Variants in NELL1 observed in about 807,000 individuals in gnomAD.
NELL1 encodes protein kinase C-binding protein NELL1.
In NELL1, 76 loss-of-function variants were observed where a neutral mutation model predicts 107.4. That is an observed-to-expected ratio of 0.71 (90% CI 0.59 to 0.86). NELL1 has a LOEUF of 0.86. Ranked by LOEUF, NELL1 falls within the 40% of genes least tolerant of loss-of-function variation. The pLI is 0.00. For missense variants in NELL1, 1,024 were observed against 1,005.5 expected, an observed-to-expected ratio of 1.02 and a Z score of -0.25; for synonymous variants, 353 against 341.2, an observed-to-expected ratio of 1.03 and a Z score of -0.38.
At chr11:21,038,598 A>G (rs1314017439) in intron 12 of NELL1, among the ~76,000 whole-genome samples, 4 of 152,210 alleles carry the variant, frequency 2.6e-5, no homozygotes, top group African/African-American at 7.2e-5. Context: ...CGCCACTGCC[A>G]ATAGAAATCT....
chr11:21,451,067 G>A (rs1008959301), intron 15 of NELL1, among the ~76,000 whole-genome samples: 7 of 151,418 alleles, frequency 4.6e-5, no homozygotes, highest in African/African-American at 1.7e-4. Flanking sequence ...GGCGCCTGTA[G>A]TCCCAGCTAC....
rs528318734 is a variant in NELL1, at chr11:20,751,203, T to A, written c.185-32477T>A. Among the ~76,000 whole-genome samples, 139 of 152,218 alleles carry A rather than the reference T, an allele frequency of 9.1e-4. 1 individual carries two copies. Among genetic ancestry groups the A allele is most frequent in the African/African-American group, 3.3e-3 (137 of 41,546 alleles). On this transcript the variant is annotated intron_variant, in intron 2 of 19. Transcript: ENST00000357134. ...TTTTTTTTTATGACTGCTTTTCTCT[T>A]CTAGGTTCTTTTCATTTTAATTTAC...
chr11:21,300,579 G>T (rs1849471459), intron 14 of NELL1, among the ~76,000 whole-genome samples: 1 of 151,878 alleles, frequency 6.6e-6, no homozygotes. Context: ...GCTATAGTGG[G>T]CTCTAGCAGT....
At chr11:21,529,823 C>CT (rs1028202147) in intron 15 of NELL1, among the ~76,000 whole-genome samples, 5 of 151,948 alleles carry the variant, frequency 3.3e-5, no homozygotes, top group African/African-American at 4.8e-5. Context: ...GCTTAAGAGT[C>CT]TTTTTTTGTT....
intron 13 of NELL1, among the ~76,000 whole-genome samples, chr11:21,159,431 G>A (rs6483747): frequency 0.27 from 40,756 of 152,122 alleles, 5,716 homozygotes; most frequent in Middle Eastern, 0.36. Context: ...TCCTGCCTTA[G>A]GAATGATCTT....
chr11:21,276,285 C>T (rs1034094453), intron 14 of NELL1, among the ~76,000 whole-genome samples: 2 of 152,152 alleles, frequency 1.3e-5, no homozygotes, highest in African/African-American at 4.8e-5. Context: ...CATGAGTGAA[C>T]TCCCATTCAC....
chr11:20,720,158 C>G (rs904710667), intron 2 of NELL1, among the ~76,000 whole-genome samples: 3 of 149,396 alleles, frequency 2.0e-5, no homozygotes, highest in Non-Finnish European at 4.4e-5. Flanking sequence ...TTTCTGGACT[C>G]TATTTCCTTT....
At chr11:20,903,738 A>AT (rs1349577958) in intron 5 of NELL1, among the ~76,000 whole-genome samples, 1 of 152,116 alleles carries the variant, frequency 6.6e-6, no homozygotes, top group Non-Finnish European at 1.5e-5. Context: ...TGTCAACAAA[A>AT]TGTTAGAGTA....
chr11:21,494,712 A>C (rs1854930097), intron 15 of NELL1, among the ~76,000 whole-genome samples: 1 of 152,046 alleles, frequency 6.6e-6, no homozygotes, highest in Admixed American at 6.6e-5. Context: ...AACTGCAATA[A>C]TTTGAAAATA....
chr11:20,850,631 T>C (rs1265314345), intron 4 of NELL1, among the ~76,000 whole-genome samples: 1 of 152,256 alleles, frequency 6.6e-6, no homozygotes. Flanking sequence ...GTGGGGACCA[T>C]TGACACTTTA....
chr11:21,515,698 A>T (rs760290243), intron 15 of NELL1, among the ~76,000 whole-genome samples: 12 of 152,162 alleles, frequency 7.9e-5, no homozygotes, highest in Non-Finnish European at 1.6e-4. Context: ...CACCTGCCCT[A>T]AGGGATAGTT....
intron 3 of NELL1, among the ~76,000 whole-genome samples, chr11:20,798,314 A>G (rs1198171733): frequency 6.6e-6 from 1 of 152,254 alleles, no homozygotes. Context: ...TATCATAGCA[A>G]TAGAATATAA....
chr11:21,271,662 AC>A (rs1274168804), intron 14 of NELL1, among the ~76,000 whole-genome samples: 2 of 152,186 alleles, frequency 1.3e-5, no homozygotes, highest in African/African-American at 4.8e-5. Flanking sequence ...CCAGACAAAA[AC>A]ATCACAAGAA....
chr11:20,989,705 A>T (rs2134255755), intron 12 of NELL1, among the ~76,000 whole-genome samples: 1 of 152,304 alleles, frequency 6.6e-6, no homozygotes, highest in Non-Finnish European at 1.5e-5. Flanking sequence ...TAGAAATTCC[A>T]GTCTAGGCCG....
chr11:20,992,871 C>T (rs1852007126), intron 12 of NELL1, among the ~76,000 whole-genome samples: 1 of 152,022 alleles, frequency 6.6e-6, no homozygotes, highest in African/African-American at 2.4e-5. Flanking sequence ...TGCGCCACCA[C>T]ACCTGGCTAA....
chr11:20,746,040 G>A (rs1421225344), intron 2 of NELL1, among the ~76,000 whole-genome samples: 1 of 152,102 alleles, frequency 6.6e-6, no homozygotes, highest in Non-Finnish European at 1.5e-5. Flanking sequence ...AGCAAGGAGA[G>A]AAATTATCCT....
intron 16 of NELL1, among the ~76,000 whole-genome samples, chr11:21,545,158 C>G (rs1856406779): frequency 6.6e-6 from 1 of 151,928 alleles, no homozygotes; most frequent in Non-Finnish European, 1.5e-5. Flanking sequence ...AAACATATTT[C>G]TTTTTTACAC....
intron 14 of NELL1, among the ~76,000 whole-genome samples, chr11:21,361,587 CT>C (rs946419958): frequency 1.3e-5 from 2 of 152,092 alleles, no homozygotes; most frequent in Non-Finnish European, 2.9e-5. Context: ...GTTTTCCAAA[CT>C]TTCAGATTTT....
intron 15 of NELL1, among the ~76,000 whole-genome samples, chr11:21,488,582 C>T (rs763207627): frequency 1.8e-4 from 28 of 152,050 alleles, no homozygotes; most frequent in Non-Finnish European, 2.9e-4. Context: ...CCTGTGGTGG[C>T]AGCAGTCAGC....
Sources: allele counts gnomAD v4.1 joint callset (sites outside exome capture counted in the v4.1 genomes callset), GRCh38; gene constraint gnomAD v4.1.1; transcripts MANE v1.5; gene names NCBI Gene and HGNC (gene_info 2026-07-23, HGNC 2026-07-21).